Variants in PCIF1 observed in about 807,000 individuals in gnomAD.
PCIF1 encodes the protein mRNA (2'-O-methyladenosine-N(6)-)-methyltransferase.
A neutral mutation model predicts 86.9 loss-of-function variants in PCIF1; 12 were observed. The observed-to-expected ratio is 0.14, with a 90% CI of 0.09 to 0.22. The LOEUF (loss-of-function observed/expected upper bound fraction) is 0.22, where lower values mean the gene tolerates loss of function less well. Ranked by LOEUF, PCIF1 falls within the 10% of genes least tolerant of loss-of-function variation. PCIF1 has a pLI of 1.00. For missense variants in PCIF1, 701 were observed against 951.1 expected (o/e 0.74, Z 3.46); for synonymous variants, 397 against 372.0 (o/e 1.07, Z -0.77).
chr20:45,940,389 A>G (rs2083459089), intron 4 of PCIF1, 86 bp from the exon 5 acceptor site: 2 of 1,438,200 alleles, frequency 1.4e-6, no homozygotes, highest in South Asian at 2.9e-5. Flanking sequence ...GAGTAGGAGC[A>G]GGGGTGGGAG....
rs780876015 is a variant in PCIF1 at position 45,943,575 on chromosome 20, C to A, written c.906-91C>A. 1.4e-6 allele frequency: 2 copies of A among 1,383,984 alleles called. No individual in the cohort carries two copies. Among genetic ancestry groups the A allele is most frequent in the Admixed American group, 4.0e-5 (2 of 49,772 alleles). The allele number at this position is 1,383,984 out of a possible 1,614,324, so 85.7% of individuals were successfully genotyped here. ...GGCAGAACAAGGGCTGTGATGGAAG[C>A]TAGGGGTTGATACCCAGCGAGCCCA... On this transcript the variant is annotated intron_variant, in intron 9 of 16. Transcript: ENST00000372409. The surrounding 1 kb of genome is among the most constrained non-coding windows in gnomAD (Gnocchi z 5.5).
intron 7 of PCIF1, among the ~76,000 whole-genome samples, 183 bp from the exon 8 acceptor site, chr20:45,942,914 G>C (rs1482735279): frequency 1.3e-5 from 2 of 151,698 alleles, no homozygotes; most frequent in African/African-American, 4.8e-5. Flanking sequence ...CGCCTGGCTA[G>C]ATACTTATCA....
chr20:45,936,383 GTTTCACTGTGTTAGCTAGGA>G (rs2083426479), intron 1 of PCIF1, among the ~76,000 whole-genome samples: 1 of 139,848 alleles, frequency 7.2e-6, no homozygotes, highest in Admixed American at 7.3e-5. Context: ...TAGAGACGGG[GTTTCACTGTGTTAGCTAGGA>G]TGGTCCCGAT....
intron 14 of PCIF1, 78 bp from the exon 15 acceptor site, chr20:45,946,995 A>G (rs1245925956): frequency 8.1e-7 from 1 of 1,236,378 alleles, no homozygotes; most frequent in East Asian, 2.4e-5. Context: ...GTGGCTGCCT[A>G]GGGTTGGGGG....
In PCIF1 at chr20:45,946,131, A is replaced by T; in HGVS notation, c.1428+16A>T. 1 of 1,614,164 alleles carries T rather than the reference A, an allele frequency of 6.2e-7. No individual in the cohort carries two copies. Among genetic ancestry groups the T allele is most frequent in the Middle Eastern group, 1.7e-4 (1 of 6,060 alleles). ...ACGGTACCAGGTACAGGCCTGGGGC[A>T]GCAGGGAGGGCTCCCCAGGAGGGAA... On this transcript the variant is annotated intron_variant, in intron 13 of 16. Coordinates refer to ENST00000372409, the MANE Select transcript of PCIF1 (RefSeq NM_022104.4).
chr20:45,937,414 C>A lies in PCIF1; in HGVS notation c.-187-4C>A. 1 of 399,302 alleles carries A rather than the reference C, an allele frequency of 2.5e-6. No individual in the cohort carries two copies. The highest frequency in any genetic ancestry group is 4.4e-6 in the Non-Finnish European group (1 of 226,246). The allele number at this position is 399,302 out of a possible 1,614,324, so 24.7% of individuals were successfully genotyped here. The stretch of plus-strand genomic sequence containing the variant: ...CTGTGACTGTTTTCCTATTTGCTTT[C>A]CAGCTGCTGATGCAAGGAATCCCCT... On this transcript the variant is annotated splice_region_variant and splice_polypyrimidine_tract_variant and intron_variant, in intron 1 of 16. Transcript: ENST00000372409.
chr20:45,941,936 A>T (rs2083473634), intron 7 of PCIF1, among the ~76,000 whole-genome samples: 1 of 149,918 alleles, frequency 6.7e-6, no homozygotes, highest in Non-Finnish European at 1.5e-5. Context: ...CCTTGCTCAA[A>T]TATAGAATCC....
At chr20:45,945,394 G>A (rs1432821432) in intron 11 of PCIF1, among the ~76,000 whole-genome samples, 1 of 152,192 alleles carries the variant, frequency 6.6e-6, no homozygotes, top group Non-Finnish European at 1.5e-5. Context: ...CTATTACGAT[G>A]ACGGCGATGC....
Position 45,943,301 on chromosome 20 carries a change from G to A in PCIF1, c.822-39G>A. On this transcript the variant is annotated intron_variant, in intron 8 of 16. Transcript: ENST00000372409. This position sits in a 1 kb window ranked among gnomAD's most constrained non-coding sequence, Gnocchi z 5.5. Reference sequence around the variant, plus strand: ...CCATTTGGTTTCTGTGCCCAGTCATGTATAGAAGGCCTCTAACTCTGCCCA... The same window carrying A: ...CCATTTGGTTTCTGTGCCCAGTCATATATAGAAGGCCTCTAACTCTGCCCA... 6.2e-7 allele frequency: 1 copy of A among 1,613,930 alleles called. No individual in the cohort carries two copies. The highest frequency in any genetic ancestry group is 8.5e-7 in the Non-Finnish European group (1 of 1,179,802).
Position 45,935,222 on chromosome 20 carries a change from C to T in PCIF1, c.-188+418C>T, listed in dbSNP as rs1379435334. 7.9e-5 allele frequency among the ~76,000 whole-genome samples: 12 copies of T among 151,850 alleles called. 1 individual carries two copies. The highest frequency in any genetic ancestry group is 2.7e-4 in the African/African-American group (11 of 41,474). ...CGCGCGCGCGCGCGCTGGAGCTCGC[C>T]TCTCGCCTTCGTGCGCCGTCGCGCC... On this transcript the variant is annotated intron_variant, in intron 1 of 16. Coordinates refer to ENST00000372409, the MANE Select transcript of PCIF1 (RefSeq NM_022104.4).
intron 1 of PCIF1, 119 bp downstream of exon 1, chr20:45,934,923 C>CT: frequency 2.5e-6 from 1 of 396,548 alleles, no homozygotes; most frequent in Non-Finnish European, 4.4e-6. Context: ...TGCCCTGTCT[C>CT]TGTTGCCGCC....
At position 45,943,066 on chromosome 20, in the gene PCIF1, C is replaced by A. The variant is rs2083489432; in HGVS notation, c.674-31C>A. 1.2e-6 allele frequency: 2 copies of A among 1,606,850 alleles called. No individual in the cohort carries two copies. Among genetic ancestry groups the A allele is most frequent in the Non-Finnish European group, 8.5e-7 (1 of 1,175,430 alleles). ...TCCAAGTGGGACTGCTTGATTAAAT[C>A]CAGGCCTTCAGCAGCTCTCCTGTCC... On this transcript the variant is annotated intron_variant, in intron 7 of 16. Coordinates refer to ENST00000372409, the MANE Select transcript of PCIF1 (RefSeq NM_022104.4). This position sits in a 1 kb window ranked among gnomAD's most constrained non-coding sequence, Gnocchi z 5.5.
At chr20:45,938,747 G>A (rs2083445696) in intron 2 of PCIF1, among the ~76,000 whole-genome samples, 1 of 152,178 alleles carries the variant, frequency 6.6e-6, no homozygotes, top group African/African-American at 2.4e-5. Context: ...TAGCAAGCCA[G>A]GCAGAGAAGA....
At chr20:45,937,163 G>A (rs961536080) in intron 1 of PCIF1, among the ~76,000 whole-genome samples, 1 of 152,162 alleles carries the variant, frequency 6.6e-6, no homozygotes, top group Non-Finnish European at 1.5e-5. Context: ...AGACAGTGAC[G>A]GCAGAGCCTT....
chr20:45,940,458 T>G lies in PCIF1; in HGVS notation c.250-17T>G. 6.3e-7 allele frequency: 1 copy of G among 1,577,660 alleles called. No homozygotes were observed. Among genetic ancestry groups the G allele is most frequent in the Non-Finnish European group, 8.6e-7 (1 of 1,159,880 alleles). On this transcript the variant is annotated splice_polypyrimidine_tract_variant and intron_variant, in intron 4 of 16. Transcript: ENST00000372409. ...CCGCTGGCCCTGGTTGCAACTCTGC[T>G]GGTCTCCCTCCACCAGTCGGACCCT...
intron 14 of PCIF1, 116 bp downstream of exon 14, chr20:45,946,500 C>T: frequency 8.3e-7 from 1 of 1,208,048 alleles, no homozygotes; most frequent in South Asian, 1.4e-5. Flanking sequence ...CTGCCTCCAC[C>T]TCTTACCGGC....
At chr20:45,944,825 C>G in intron 10 of PCIF1, 43 bp from the exon 11 acceptor site, 1 of 1,584,304 alleles carries the variant, frequency 6.3e-7, no homozygotes, top group Non-Finnish European at 8.6e-7. Context: ...AGCTGAGCCC[C>G]TCTGGCCTCC....
At position 45,939,028 on chromosome 20, in the gene PCIF1, G is replaced by A. The variant is rs979221783; in HGVS notation, c.29G>A (p.Arg10Gln). 8.1e-6 allele frequency: 13 copies of A among 1,613,912 alleles called. No individual in the cohort carries two copies. In the East Asian group the frequency reaches 8.9e-5, roughly 11 times the overall value. The change falls in exon 3 of 17, where the codon CGG becomes CAG. Residue 10 changes from arginine to glutamine, a missense_variant. Physicochemically the swap from Arg to Gln is conservative, Grantham distance 43 (BLOSUM62 1). Transcript: ENST00000372409. ...GCCAATGAGAATCACGGCAGCCCCCGGGAGGAAGCGTCCCTGCTGAGTCAC... is the reference window on the plus strand; with the variant it reads ...GCCAATGAGAATCACGGCAGCCCCCAGGAGGAAGCGTCCCTGCTGAGTCAC... MANENHGSPREEASLLSHSP... is the reference protein window; with the variant it reads MANENHGSPQEEASLLSHSP...
At chr20:45,937,009 A>G (rs1051960182) in intron 1 of PCIF1, among the ~76,000 whole-genome samples, 1 of 140,574 alleles carries the variant, frequency 7.1e-6, no homozygotes, top group Non-Finnish European at 1.5e-5. Flanking sequence ...CTGGTTTTGA[A>G]CTCCTAGCCC....
Sources: gnomAD v4.1 joint callset for allele counts (sites outside exome capture counted in the v4.1 genomes callset) on GRCh38, gnomAD v4.1.1 for gene constraint, Gnocchi (gnomAD v3.1) non-coding constraint, MANE v1.5 for transcripts, NCBI Gene and HGNC (gene_info 2026-07-23, HGNC 2026-07-21) for gene names.